Variants in DNAJC10 observed in about 807,000 individuals in gnomAD.
DNAJC10 encodes DnaJ heat shock protein family (Hsp40) member C10.
DNAJC10 carries 101 observed loss-of-function variants against 115.0 expected under a neutral mutation model. That is an observed-to-expected ratio of 0.88 (90% CI 0.75 to 1.04). DNAJC10 has a LOEUF of 1.04. DNAJC10 is among the 50% of genes least tolerant of loss of function. DNAJC10 has a pLI of 0.00. For synonymous variants in DNAJC10, 307 were observed against 301.5 expected (o/e 1.02, Z -0.19); for missense variants, 981 against 928.8 (o/e 1.06, Z -0.73).
chr2:182,729,071 T>C (rs542966826), intron 7 of DNAJC10, 77 bp downstream of exon 7: 3 of 1,431,574 alleles, frequency 2.1e-6, no homozygotes, highest in East Asian at 2.3e-5. Context: ...TAACAGTATG[T>C]AGAATTTGCA....
chr2:182,720,460 T>G (rs990299013), intron 4 of DNAJC10, among the ~76,000 whole-genome samples: 1 of 152,182 alleles, frequency 6.6e-6, no homozygotes, highest in Non-Finnish European at 1.5e-5. Context: ...TAACAATGGA[T>G]TGTATGTAGG....
intron 7 of DNAJC10, 96 bp downstream of exon 7, chr2:182,729,090 TAA>T: frequency 7.8e-7 from 1 of 1,289,678 alleles, no homozygotes; most frequent in Non-Finnish European, 1.1e-6. Flanking sequence ...CAGAACATTT[TAA>T]GTCTTGTTTT....
In DNAJC10 at chr2:182,731,769, G is replaced by A. The variant is rs113897479; in HGVS notation, c.805+662G>A. Among the ~76,000 whole-genome samples, 1,328 of 152,256 alleles carry A rather than the reference G, an allele frequency of 8.7e-3. 21 individuals are homozygous for A. Among genetic ancestry groups the A allele is most frequent in the African/African-American group, 0.03 (1,259 of 41,556 alleles). On this transcript the variant is annotated intron_variant, in intron 9 of 23. Transcript: ENST00000264065. Reference sequence around the variant, plus strand: ...TGCTATATTGAAAAGGTACTGCCTTGTAACTAAAATCAACCCATTACCCCA... The same window carrying A: ...TGCTATATTGAAAAGGTACTGCCTTATAACTAAAATCAACCCATTACCCCA...
chr2:182,749,152 T>A (rs1693950192), intron 14 of DNAJC10, among the ~76,000 whole-genome samples: 2 of 150,442 alleles, frequency 1.3e-5, no homozygotes, highest in East Asian at 1.9e-4. Context: ...GGTGGAGAGT[T>A]CTGTAGATGT....
At chr2:182,751,823 G>C (rs148573768) in intron 15 of DNAJC10, 38 bp downstream of exon 15, 9 of 1,598,000 alleles carry the variant, frequency 5.6e-6, no homozygotes, top group South Asian at 2.3e-5. Context: ...AACATTGTCA[G>C]ATCTTCTCCT....
chr2:182,788,378 G>A lies in DNAJC10; in HGVS notation c.*11246G>A. 2 of 193,434 alleles carry A rather than the reference G, an allele frequency of 1.0e-5. No homozygotes were observed. Among genetic ancestry groups the A allele is most frequent in the South Asian group, 1.0e-4 (1 of 9,978 alleles). The allele number at this position is 193,434 out of a possible 1,614,324, so 12.0% of individuals were successfully genotyped here. On this transcript the variant is annotated 3_prime_UTR_variant, in exon 24 of 24. Coordinates refer to ENST00000264065, the MANE Select transcript of DNAJC10 (RefSeq NM_018981.4). ...TAGCGAGGATGAAAATTCACCAAAC[G>A]AGCTCTTATACTTTGGTTACCTATG...
rs557936540 is a variant in DNAJC10, at chr2:182,722,198, A to G, written c.418+123A>G. 16 of 631,960 alleles carry G rather than the reference A, an allele frequency of 2.5e-5. No homozygotes were observed. In the African/African-American group the frequency reaches 3.1e-4, roughly 12 times the overall value. The allele number at this position is 631,960 out of a possible 1,614,324, so 39.1% of individuals were successfully genotyped here. On this transcript the variant is annotated intron_variant, in intron 5 of 23. Transcript: ENST00000264065. ...GAGTTTCGAACAGTAATAATGTAAT[A>G]TACTGTATCTTAAATATTTCTAGCA...
rs1694889767 is a variant in DNAJC10 at position 182,783,389 on chromosome 2, C to T, written c.*6257C>T. 1.3e-5 allele frequency: 2 copies of T among 152,086 alleles called. No individual in the cohort carries two copies. Among genetic ancestry groups the T allele is most frequent in the Non-Finnish European group, 2.9e-5 (2 of 68,002 alleles). 9.4% of individuals were successfully genotyped at this position (152,086 alleles called of 1,614,324 possible). A position where few individuals can be genotyped will look rare whatever the true frequency, so the allele number is the denominator to read the frequency against. ...ATGCATTGAAATATCTTTCTCAAGTCATTAGATAAAGTATATGGCGTTAAG... is the reference window on the plus strand; with the variant it reads ...ATGCATTGAAATATCTTTCTCAAGTTATTAGATAAAGTATATGGCGTTAAG... On this transcript the variant is annotated 3_prime_UTR_variant, in exon 24 of 24. Transcript: ENST00000264065.
chr2:182,794,462 A>T lies in DNAJC10; in HGVS notation c.*17330A>T, dbSNP rs572719219. The T allele has an allele frequency of 1.3e-5, 2 of 152,308 alleles. No individual in the cohort carries two copies. The highest frequency in any genetic ancestry group is 4.8e-5 in the African/African-American group (2 of 41,572). The allele number at this position is 152,308 out of a possible 1,614,324, so 9.4% of individuals were successfully genotyped here. On this transcript the variant is annotated 3_prime_UTR_variant, in exon 24 of 24. Coordinates refer to ENST00000264065, the MANE Select transcript of DNAJC10 (RefSeq NM_018981.4). ...TGAAATAAACTTGTCACAAAAATGC[A>T]AATTGTGTCACCAATTTTCAGCTTA...
chr2:182,769,338 C>A (rs1407164274), intron 22 of DNAJC10, among the ~76,000 whole-genome samples: 1 of 152,234 alleles, frequency 6.6e-6, no homozygotes, highest in South Asian at 2.1e-4. Context: ...TGGGTCTATA[C>A]CCAGTAGTGG....
chr2:182,749,758 A>G (rs1693967899), intron 14 of DNAJC10, among the ~76,000 whole-genome samples: 1 of 152,176 alleles, frequency 6.6e-6, no homozygotes, highest in Non-Finnish European at 1.5e-5. Flanking sequence ...GTAGTAAATT[A>G]CCCCAAAACT....
At chr2:182,741,166 T>C in intron 12 of DNAJC10, 77 bp from the exon 13 acceptor site, 1 of 1,000,762 alleles carries the variant, frequency 1.0e-6, no homozygotes, top group Non-Finnish European at 1.5e-6. Flanking sequence ...TAAAACTAAC[T>C]TCAAGTCATA....
chr2:182,719,798 C>CT (rs35682380), intron 3 of DNAJC10, among the ~76,000 whole-genome samples: 55,254 of 122,060 alleles, frequency 0.45, 13,592 homozygotes, highest in African/African-American at 0.61. Flanking sequence ...ACTTTTCTTA[C>CT]TTTTTTTTTT....
At chr2:182,719,745 C>T (rs1693097572) in intron 3 of DNAJC10, among the ~76,000 whole-genome samples, 1 of 149,290 alleles carries the variant, frequency 6.7e-6, no homozygotes, top group Non-Finnish European at 1.5e-5. Context: ...AACTCATGGT[C>T]TGATAACGTC....
intron 16 of DNAJC10, among the ~76,000 whole-genome samples, chr2:182,754,245 T>C (rs571404875): frequency 4.6e-5 from 7 of 152,334 alleles, no homozygotes; most frequent in East Asian, 1.9e-4. Context: ...AAGACTAATA[T>C]AAATGTTTCC....
At position 182,759,137 on chromosome 2, in the gene DNAJC10, ATGATTT is replaced by A; in HGVS notation, c.1998-18_1998-13del. On this transcript the variant is annotated splice_polypyrimidine_tract_variant and intron_variant, in intron 20 of 23. Transcript: ENST00000264065. The stretch of plus-strand genomic sequence containing the variant: ...TTGCTTTGGTTTTATATAATGAAAA[ATGATTT>A]TGATCATTTGCCACAGATTTTTACC... 1 of 1,557,274 alleles carries A rather than the reference ATGATTT, an allele frequency of 6.4e-7. No individual in the cohort carries two copies. The highest frequency in any genetic ancestry group is 1.4e-5 in the African/African-American group (1 of 72,132).
Position 182,791,697 on chromosome 2 carries a change from G to A in DNAJC10, c.*14565G>A, listed in dbSNP as rs770377562. On this transcript the variant is annotated 3_prime_UTR_variant, in exon 24 of 24. Coordinates refer to ENST00000264065, the MANE Select transcript of DNAJC10 (RefSeq NM_018981.4). ...TCTGTTTAATAAATCCAGTATTTGGGCATACAAACTGTATACAACATTTTA... is the reference window on the plus strand; with the variant it reads ...TCTGTTTAATAAATCCAGTATTTGGACATACAAACTGTATACAACATTTTA... The A allele has an allele frequency of 6.6e-6, 1 of 151,990 alleles. No homozygotes were observed. Among genetic ancestry groups the A allele is most frequent in the Non-Finnish European group, 1.5e-5 (1 of 67,986 alleles). The allele number at this position is 151,990 out of a possible 1,614,324, so 9.4% of individuals were successfully genotyped here.
intron 22 of DNAJC10, among the ~76,000 whole-genome samples, chr2:182,765,903 T>C (rs1375673153): frequency 1.3e-5 from 2 of 152,234 alleles, no homozygotes; most frequent in Admixed American, 6.5e-5. Context: ...TTTAAAGTTA[T>C]AATGGATTCA....
At chr2:182,768,001 G>A (rs941342140) in intron 22 of DNAJC10, among the ~76,000 whole-genome samples, 10 of 152,034 alleles carry the variant, frequency 6.6e-5, no homozygotes, top group Admixed American at 1.3e-4. Context: ...ATATGTTGCC[G>A]TGTGCCCCCC....
Sources: gnomAD v4.1 joint callset for allele counts (sites outside exome capture counted in the v4.1 genomes callset) on GRCh38, gnomAD v4.1.1 for gene constraint, MANE v1.5 for transcripts, NCBI Gene and HGNC (gene_info 2026-07-23, HGNC 2026-07-21) for gene names.